Variants in FAM167A observed in about 807,000 individuals in gnomAD.
FAM167A encodes family with sequence similarity 167 member A, also known as protein FAM167A.
FAM167A carries 23 observed loss-of-function variants against 14.9 expected under a neutral mutation model. The observed-to-expected ratio is 1.55, with a 90% CI of 1.11 to 2.19. The LOEUF (loss-of-function observed/expected upper bound fraction) is 2.19, where lower values mean the gene tolerates loss of function less well. Among genes scored for constraint, FAM167A ranks in the 30% most tolerant of loss-of-function variants. The probability of loss-of-function intolerance (pLI) is 0.00; values close to 1 mark genes in which losing one functional copy is unlikely to be tolerated. For synonymous variants in FAM167A, 174 were observed against 117.7 expected (o/e 1.48, Z -3.10); for missense variants, 401 against 281.5 (o/e 1.42, Z -3.04).
At chr8:11,436,569 TC>T (rs1197403391) in intron 2 of FAM167A, among the ~76,000 whole-genome samples, 1 of 152,122 alleles carries the variant, frequency 6.6e-6, no homozygotes, top group African/African-American at 2.4e-5. Flanking sequence ...CGACAGGAGC[TC>T]CCCTGCACGG....
At chr8:11,446,232 C>T (rs906836830) in intron 1 of FAM167A, among the ~76,000 whole-genome samples, 5 of 152,186 alleles carry the variant, frequency 3.3e-5, no homozygotes, top group African/African-American at 9.6e-5. Flanking sequence ...CAGAACTTTC[C>T]AGTCCAGACG....
chr8:11,447,613 G>C (rs1237596854), intron 1 of FAM167A, among the ~76,000 whole-genome samples: 1 of 152,212 alleles, frequency 6.6e-6, no homozygotes, highest in Non-Finnish European at 1.5e-5. Flanking sequence ...TCACCAAGGA[G>C]AAATCGAGGC....
chr8:11,424,366 G>C lies in FAM167A; in HGVS notation c.*7C>G. On this transcript the variant is annotated 3_prime_UTR_variant, in exon 3 of 3. Transcript: ENST00000284486. ...GCTCCAGCCCCTCCGCCCAGTCTGA[G>C]GGCTCCTCAGCAGAGAGAGAACCTC... 2.5e-6 allele frequency: 4 copies of C among 1,613,922 alleles called. No homozygotes were observed. Among genetic ancestry groups the C allele is most frequent in the Non-Finnish European group, 3.4e-6 (4 of 1,179,884 alleles).
upstream of FAM167A, chr8:11,466,820 A>C: frequency 6.6e-6 from 1 of 151,500 alleles, no homozygotes. Context: ...TTGCCTGGCG[A>C]CGGCCGAGCT....
At chr8:11,460,855 T>C (rs1807509852) in intron 1 of FAM167A, among the ~76,000 whole-genome samples, 1 of 152,188 alleles carries the variant, frequency 6.6e-6, no homozygotes, top group African/African-American at 2.4e-5. Context: ...GAAACCTTGC[T>C]TGTCTCGCTG....
At chr8:11,425,764 G>A (rs1805095431) in intron 2 of FAM167A, among the ~76,000 whole-genome samples, 1 of 152,116 alleles carries the variant, frequency 6.6e-6, no homozygotes, top group Non-Finnish European at 1.5e-5. Flanking sequence ...TGGCAGTAAG[G>A]TAGCAAATTC....
At chr8:11,455,194 G>A (rs1807188854) in intron 1 of FAM167A, among the ~76,000 whole-genome samples, 1 of 142,962 alleles carries the variant, frequency 7.0e-6, no homozygotes, top group Non-Finnish European at 1.6e-5. Flanking sequence ...GTGGGTGGTG[G>A]TTGCCTTGCT....
At position 11,444,235 on chromosome 8, in the gene FAM167A, G is replaced by C. The variant is rs772753147; in HGVS notation, c.177C>G (p.Pro59=). 6.2e-7 allele frequency: 1 copy of C among 1,611,802 alleles called. No individual in the cohort carries two copies. Among genetic ancestry groups the C allele is most frequent in the Non-Finnish European group, 8.5e-7 (1 of 1,179,736 alleles). The change falls in exon 2 of 3, where the codon CCC becomes CCG. Residue 59 remains proline (P), a synonymous_variant. Transcript: ENST00000284486. ...WQARLEEHTW[P]FPRPAAEPQA... ...GTGGCTCCGCAGCCGGCCTCGGGAA[G>C]GGCCAGGTATGCTCCTCCAGCCTGG...
intron 2 of FAM167A, among the ~76,000 whole-genome samples, chr8:11,424,983 T>G (rs917602689): frequency 4.6e-5 from 7 of 152,138 alleles, no homozygotes; most frequent in African/African-American, 1.7e-4. Flanking sequence ...GTAACAGCTA[T>G]CAAATTCAGG....
At chr8:11,436,709 T>C (rs1024770427) in intron 2 of FAM167A, among the ~76,000 whole-genome samples, 1 of 152,238 alleles carries the variant, frequency 6.6e-6, no homozygotes, top group Non-Finnish European at 1.5e-5. Context: ...CGAAGTGCCC[T>C]GGGGTCACCT....
chr8:11,431,944 C>T (rs573692986), intron 2 of FAM167A, among the ~76,000 whole-genome samples: 63 of 147,246 alleles, frequency 4.3e-4, no homozygotes, highest in African/African-American at 1.5e-3. Flanking sequence ...GCCAAAGGCC[C>T]GAGAGGCTGG....
chr8:11,459,679 A>G (rs1223847797), intron 1 of FAM167A, among the ~76,000 whole-genome samples: 2 of 151,854 alleles, frequency 1.3e-5, no homozygotes, highest in Non-Finnish European at 2.9e-5. Flanking sequence ...AAGTCACACG[A>G]CTCTTTGGAA....
Position 11,444,285 on chromosome 8 carries a change from T to A in FAM167A, c.127A>T (p.Arg43Trp). 1 of 1,611,246 alleles carries A rather than the reference T, an allele frequency of 6.2e-7. No individual in the cohort carries two copies. Reference protein sequence around the residue: ...LTEKLRLETRRPSYLEWQARL... With the variant: ...LTEKLRLETRWPSYLEWQARL... ...GCCTGCCATTCCAGGTAGGAGGGCC[T>A]GCGGGTCTCCAGCCTCAGTTTCTCG... Residue 43 changes from arginine (R) to tryptophan (W), a missense_variant, in exon 2 of 3, where the codon AGG becomes TGG. Transcript: ENST00000284486.
intron 1 of FAM167A, among the ~76,000 whole-genome samples, chr8:11,456,589 G>A (rs1034303114): frequency 6.6e-6 from 1 of 151,262 alleles, no homozygotes; most frequent in Non-Finnish European, 1.5e-5. Context: ...ATGAGTGTGA[G>A]AGTGTGGGTA....
chr8:11,460,489 G>GCGC (rs1285875740), intron 1 of FAM167A, among the ~76,000 whole-genome samples: 2 of 152,334 alleles, frequency 1.3e-5, no homozygotes, highest in East Asian at 1.9e-4. Flanking sequence ...GGGAGTAGAG[G>GCGC]CGCCGACTCG....
At chr8:11,470,068 C>T (rs554578057), upstream of FAM167A, among the ~76,000 whole-genome samples, 4 of 152,244 alleles carry the variant, frequency 2.6e-5, no homozygotes, top group South Asian at 4.1e-4. Context: ...TGAAGGACCT[C>T]GCCCTTGAGA....
chr8:11,462,788 A>G (rs1807590897), intron 1 of FAM167A, among the ~76,000 whole-genome samples: 1 of 152,226 alleles, frequency 6.6e-6, no homozygotes, highest in South Asian at 2.1e-4. Context: ...CGAAGCAGAA[A>G]GCATCTGCTC....
intron 2 of FAM167A, among the ~76,000 whole-genome samples, chr8:11,433,738 A>G (rs1158007563): frequency 6.6e-6 from 1 of 152,178 alleles, no homozygotes; most frequent in East Asian, 1.9e-4. Context: ...AATAGCTACA[A>G]TTAGTCTCTG....
At chr8:11,426,999 C>T (rs1217924578) in intron 2 of FAM167A, among the ~76,000 whole-genome samples, 3 of 152,170 alleles carry the variant, frequency 2.0e-5, no homozygotes, top group Non-Finnish European at 4.4e-5. Flanking sequence ...TTCAACAGAA[C>T]TGTTTTAGGG....
Sources: gnomAD v4.1 joint callset for allele counts (sites outside exome capture counted in the v4.1 genomes callset) on GRCh38, gnomAD v4.1.1 for gene constraint, MANE v1.5 for transcripts, NCBI Gene and HGNC (gene_info 2026-07-23, HGNC 2026-07-21) for gene names.